HMGB1: variants seen among roughly 807,000 people sequenced by gnomAD.
HMGB1 encodes the protein high mobility group box 1.
For synonymous variants in HMGB1, 81 were observed against 84.0 expected (o/e 0.96, Z 0.19); for missense variants, 79 against 253.5 (o/e 0.31, Z 4.67).
intron 1 of HMGB1, among the ~76,000 whole-genome samples, chr13:30,607,370 C>T (rs975347512): frequency 6.6e-6 from 1 of 151,844 alleles, no homozygotes; most frequent in African/African-American, 2.4e-5. Context: ...GGGCGGCCTT[C>T]CCCCTTGCTG....
chr13:30,557,577 T>C (rs1869743471), intron 1 of HMGB1, among the ~76,000 whole-genome samples: 1 of 152,198 alleles, frequency 6.6e-6, no homozygotes, highest in African/African-American at 2.4e-5. Flanking sequence ...CAGATTCACC[T>C]TGTAGATAAA....
At chr13:30,472,931 T>C (rs903390088) in intron 1 of HMGB1, among the ~76,000 whole-genome samples, 3 of 151,226 alleles carry the variant, frequency 2.0e-5, no homozygotes, top group Non-Finnish European at 2.9e-5. Flanking sequence ...GTTTGTGAAC[T>C]CCAGACTAGA....
intron 1 of HMGB1, among the ~76,000 whole-genome samples, chr13:30,512,702 T>TA (rs1888018767): frequency 6.6e-6 from 1 of 152,184 alleles, no homozygotes; most frequent in Non-Finnish European, 1.5e-5. Flanking sequence ...TCAGTAATAA[T>TA]AATGATAATT....
intron 1 of HMGB1, among the ~76,000 whole-genome samples, chr13:30,591,745 T>G (rs1263418792): frequency 6.6e-6 from 1 of 152,114 alleles, no homozygotes; most frequent in Non-Finnish European, 1.5e-5. Flanking sequence ...CAAGCGATCC[T>G]CCCACCTTGG....
chr13:30,522,743 T>TG lies in HMGB1; in HGVS notation c.-14-59050_-14-59049insC, dbSNP rs879534092. 7.3e-3 allele frequency among the ~76,000 whole-genome samples: 1,102 copies of TG among 151,804 alleles called. 7 individuals are homozygous for TG. The highest frequency in any genetic ancestry group is 0.011 in the Non-Finnish European group (777 of 67,880). On this transcript the variant is annotated intron_variant, in intron 1 of 4. Transcript: ENST00000405805. ...GCAAACAAGTCTAAAAGTCTTTTTT[T>TG]TTTTTTGAGACAAGGTCTTGCTCTA...
At chr13:30,531,568 A>T (rs1247079333) in intron 1 of HMGB1, among the ~76,000 whole-genome samples, 3 of 143,340 alleles carry the variant, frequency 2.1e-5, no homozygotes. Flanking sequence ...TTTCAGCGAA[A>T]TTTTTTTCCT....
chr13:30,593,232 C>A (rs765776635), intron 1 of HMGB1, among the ~76,000 whole-genome samples: 48 of 152,186 alleles, frequency 3.2e-4, no homozygotes, highest in Non-Finnish European at 1.5e-5. Flanking sequence ...AGACCACCCC[C>A]CCGTAGAAGC....
At chr13:30,554,019 G>C in intron 1 of HMGB1, 1 of 1,480,182 alleles carries the variant, frequency 6.8e-7, no homozygotes, top group Non-Finnish European at 9.4e-7. Flanking sequence ...CCGCATTGTG[G>C]AGAAAGAATC....
chr13:30,523,467 G>A (rs1412522606), intron 1 of HMGB1, among the ~76,000 whole-genome samples: 2 of 152,058 alleles, frequency 1.3e-5, no homozygotes, highest in Non-Finnish European at 2.9e-5. Flanking sequence ...AAATCTTATT[G>A]GAGTTACAGA....
chr13:30,544,458 G>A (rs1231619798), intron 1 of HMGB1, among the ~76,000 whole-genome samples: 6 of 152,222 alleles, frequency 3.9e-5, no homozygotes, highest in Non-Finnish European at 7.3e-5. Context: ...GAGGGAAGAG[G>A]GGCGGAAGGT....
chr13:30,466,009 A>G (rs1886768983), upstream of HMGB1: 1 of 958,494 alleles, frequency 1.0e-6, no homozygotes, highest in Non-Finnish European at 1.2e-6. Context: ...GATACCTCCC[A>G]TTGTCCTGAC....
At chr13:30,496,782 A>C (rs1887617940) in intron 1 of HMGB1, among the ~76,000 whole-genome samples, 2 of 152,144 alleles carry the variant, frequency 1.3e-5, no homozygotes, top group Non-Finnish European at 2.9e-5. Context: ...ACTCAGTTGA[A>C]TGTGTTTTGG....
intron 1 of HMGB1, among the ~76,000 whole-genome samples, chr13:30,514,096 T>C (rs17074686): frequency 0.099 from 15,097 of 151,952 alleles, 1,116 homozygotes; most frequent in African/African-American, 0.19. Context: ...CCACCTCTCA[T>C]CTAAGGCCCT....
chr13:30,471,188 TCTTGAACTCCTGACCTC>T (rs1886917512), intron 1 of HMGB1, among the ~76,000 whole-genome samples: 1 of 151,922 alleles, frequency 6.6e-6, no homozygotes, highest in African/African-American at 2.4e-5. Flanking sequence ...GACAGGCCGG[TCTTGAACTCCTGACCTC>T]GTGATCCACC....
At chr13:30,615,986 G>C (rs1950557139) in intron 1 of HMGB1, among the ~76,000 whole-genome samples, 1 of 152,170 alleles carries the variant, frequency 6.6e-6, no homozygotes, top group Admixed American at 6.5e-5. Context: ...CCCACTGGAA[G>C]GTACTGCACT....
chr13:30,524,782 A>G (rs1304743184), intron 1 of HMGB1, among the ~76,000 whole-genome samples: 1 of 60,700 alleles, frequency 1.6e-5, no homozygotes, highest in African/African-American at 4.0e-5. Flanking sequence ...TGAAGTTACC[A>G]ATATTTATGT....
chr13:30,613,027 C>A (rs759567100), intron 1 of HMGB1, among the ~76,000 whole-genome samples: 16 of 152,168 alleles, frequency 1.1e-4, no homozygotes, highest in South Asian at 4.1e-4. Flanking sequence ...AGTACCAGGT[C>A]AGCCACCTTG....
At chr13:30,487,971 A>G (rs1254473608) in intron 1 of HMGB1, among the ~76,000 whole-genome samples, 1 of 152,232 alleles carries the variant, frequency 6.6e-6, no homozygotes, top group East Asian at 1.9e-4. Flanking sequence ...TTATACTCTT[A>G]GTAGTTCTAG....
chr13:30,519,404 A>C (rs1888178986), intron 1 of HMGB1, among the ~76,000 whole-genome samples: 1 of 149,578 alleles, frequency 6.7e-6, no homozygotes, highest in Admixed American at 6.7e-5. Flanking sequence ...AAAAAAAAAA[A>C]AAGTAAAAAG....
Sources: allele counts gnomAD v4.1 joint callset (sites outside exome capture counted in the v4.1 genomes callset), GRCh38; gene constraint gnomAD v4.1.1; transcripts MANE v1.5; gene names NCBI Gene and HGNC (gene_info 2026-07-23, HGNC 2026-07-21).